The following ADRA1A variants were observed in gnomAD, a reference collection of about 807,000 sequenced individuals.
ADRA1A encodes the protein adrenoceptor alpha 1A.
A neutral mutation model predicts 29.6 loss-of-function variants in ADRA1A; 31 were observed. That is an observed-to-expected ratio of 1.05 (90% CI 0.79 to 1.41). The LOEUF (loss-of-function observed/expected upper bound fraction) is 1.41. Ranked by LOEUF, ADRA1A falls within the 40% of genes most tolerant of loss-of-function variation. The probability of loss-of-function intolerance (pLI) is 0.00; values close to 1 mark genes in which losing one functional copy is unlikely to be tolerated. For synonymous variants in ADRA1A, 311 were observed against 254.3 expected (o/e 1.22, Z -2.12); for missense variants, 619 against 601.1 (o/e 1.03, Z -0.31).
intron 2 of ADRA1A, among the ~76,000 whole-genome samples, chr8:26,827,829 T>A (rs13256192): frequency 0.19 from 29,310 of 151,894 alleles, 2,994 homozygotes; most frequent in Non-Finnish European, 0.23. Context: ...TGGGGAGGGG[T>A]GGACACAAAC....
At chr8:26,757,758 C>T (rs1805270972) in intron 2 of ADRA1A, among the ~76,000 whole-genome samples, 1 of 152,146 alleles carries the variant, frequency 6.6e-6, no homozygotes, top group South Asian at 2.1e-4. Flanking sequence ...TCCCATATTT[C>T]CTTAGATGAT....
At chr8:26,800,301 A>C (rs548009125) in intron 2 of ADRA1A, among the ~76,000 whole-genome samples, 28 of 152,094 alleles carry the variant, frequency 1.8e-4, no homozygotes, top group African/African-American at 6.0e-4. Context: ...ACAATATTAC[A>C]TTAGCATTAA....
At chr8:26,753,619 T>C (rs1039437238), downstream of ADRA1A, among the ~76,000 whole-genome samples, 4 of 152,220 alleles carry the variant, frequency 2.6e-5, no homozygotes, top group African/African-American at 7.2e-5. Context: ...AAAAAAATGC[T>C]ACTTACAAAC....
chr8:26,849,942 A>C (rs1812489714), intron 2 of ADRA1A, among the ~76,000 whole-genome samples: 1 of 151,622 alleles, frequency 6.6e-6, no homozygotes, highest in African/African-American at 2.4e-5. Flanking sequence ...AAAACCAAAT[A>C]AGTAAAGTGG....
At chr8:26,762,669 G>A (rs543826758), downstream of ADRA1A, among the ~76,000 whole-genome samples, 1 of 152,164 alleles carries the variant, frequency 6.6e-6, no homozygotes, top group Non-Finnish European at 1.5e-5. The surrounding 1 kb of genome is among the most constrained non-coding windows in gnomAD (Gnocchi z 4.0). Flanking sequence ...AAGAAGGGAA[G>A]GGAGGGAAAG....
intron 2 of ADRA1A, among the ~76,000 whole-genome samples, chr8:26,859,623 T>C (rs1349272593): frequency 6.6e-6 from 1 of 152,168 alleles, no homozygotes; most frequent in African/African-American, 2.4e-5. Context: ...CAGTACATTC[T>C]TGGAGGAAAT....
chr8:26,825,799 A>T lies in ADRA1A; in HGVS notation c.883+38288T>A, dbSNP rs1306915093. On this transcript the variant is annotated intron_variant, in intron 2 of 2. Transcript: ENST00000380573. This position sits in a 1 kb window ranked among gnomAD's most constrained non-coding sequence, Gnocchi z 5.7. ...TATCCTGCGGGCATTCTGGTTCGATACTAGGCACAGTGTTGATTGCCTGTT... is the reference window on the plus strand; with the variant it reads ...TATCCTGCGGGCATTCTGGTTCGATTCTAGGCACAGTGTTGATTGCCTGTT... 1.3e-5 allele frequency among the ~76,000 whole-genome samples: 2 copies of T among 152,228 alleles called. No individual in the cohort carries two copies. Among genetic ancestry groups the T allele is most frequent in the South Asian group, 4.1e-4 (2 of 4,824 alleles).
chr8:26,772,678 G>A (rs1202201625), intron 2 of ADRA1A, among the ~76,000 whole-genome samples: 5 of 152,076 alleles, frequency 3.3e-5, no homozygotes, highest in African/African-American at 1.2e-4. Flanking sequence ...CAAATTGCTG[G>A]TGCTATTAAA....
chr8:26,765,819 A>G (rs1354902278), downstream of ADRA1A: 2 of 1,342,564 alleles, frequency 1.5e-6, no homozygotes, highest in African/African-American at 2.9e-5. Context: ...AGCAATTGAG[A>G]AAGTTTGTCA....
At chr8:26,850,681 G>A (rs945563203) in intron 2 of ADRA1A, among the ~76,000 whole-genome samples, 4 of 152,220 alleles carry the variant, frequency 2.6e-5, no homozygotes, top group South Asian at 2.1e-4. Context: ...TAATAGAGAC[G>A]GGGTTTCACC....
rs141334293 is a variant in ADRA1A at position 26,784,050 on chromosome 8, A to G, written c.884-13384T>C. ...GGGGGTGTGGTGAATGAGAGCATCA[A>G]GAAGAATAGCTAATGGATGCTGGGC... On this transcript the variant is annotated intron_variant, in intron 2 of 2. Coordinates refer to ENST00000380573, the MANE Select transcript of ADRA1A (RefSeq NM_000680.4). Among the ~76,000 whole-genome samples, 121 of 152,300 alleles carry G rather than the reference A, an allele frequency of 7.9e-4. 1 individual carries two copies. The highest frequency in any genetic ancestry group is 2.8e-3 in the African/African-American group (116 of 41,572).
chr8:26,754,612 C>A (rs1805070059), downstream of ADRA1A, among the ~76,000 whole-genome samples: 1 of 152,032 alleles, frequency 6.6e-6, no homozygotes, highest in Admixed American at 6.6e-5. Context: ...ACAAATGTAA[C>A]AAGGAGACAA....
At chr8:26,809,103 A>G (rs1268334171) in intron 2 of ADRA1A, among the ~76,000 whole-genome samples, 3 of 152,228 alleles carry the variant, frequency 2.0e-5, no homozygotes, top group Admixed American at 2.0e-4. Context: ...TGTGTTCAGT[A>G]AAAAATTGTT....
In ADRA1A at chr8:26,796,120, A is replaced by G. The variant is rs1432925401; in HGVS notation, c.884-25454T>C. ...GTAAAATATTTACAGATGAAATGAC[A>G]TGCTCTCTAGAATTTGCTTCCAAAG... On this transcript the variant is annotated intron_variant, in intron 2 of 2. Transcript: ENST00000380573. This position sits in a 1 kb window ranked among gnomAD's most constrained non-coding sequence, Gnocchi z 5.0. 6.6e-6 allele frequency among the ~76,000 whole-genome samples: 1 copy of G among 152,166 alleles called. No homozygotes were observed. Among genetic ancestry groups the G allele is most frequent in the Non-Finnish European group, 1.5e-5 (1 of 68,012 alleles).
At chr8:26,861,217 G>A (rs1199129455) in intron 2 of ADRA1A, among the ~76,000 whole-genome samples, 1 of 150,826 alleles carries the variant, frequency 6.6e-6, no homozygotes, top group African/African-American at 2.4e-5. Flanking sequence ...ACATTCTCCT[G>A]ATTTTTCTTC....
chr8:26,852,722 T>G (rs1812729048), intron 2 of ADRA1A, among the ~76,000 whole-genome samples: 1 of 152,096 alleles, frequency 6.6e-6, no homozygotes, highest in Non-Finnish European at 1.5e-5. Flanking sequence ...TATAGGCAAG[T>G]TTTTCAAACC....
rs902098334 is a variant in ADRA1A, at chr8:26,851,593, T to C, written c.883+12494A>G. 2.6e-5 allele frequency among the ~76,000 whole-genome samples: 4 copies of C among 152,174 alleles called. No homozygotes were observed. In the South Asian group the frequency reaches 6.2e-4, roughly 24 times the overall value. On this transcript the variant is annotated intron_variant, in intron 2 of 2. Coordinates refer to ENST00000380573, the MANE Select transcript of ADRA1A (RefSeq NM_000680.4). Reference sequence around the variant, plus strand: ...GAAGTACACAAGCTGCTATATAAAATGGTGAACAAATGTGAATAAAAATAG... The same window carrying C: ...GAAGTACACAAGCTGCTATATAAAACGGTGAACAAATGTGAATAAAAATAG...
chr8:26,767,935 T>C (rs1200929841), downstream of ADRA1A, among the ~76,000 whole-genome samples: 3 of 152,318 alleles, frequency 2.0e-5, no homozygotes, highest in Non-Finnish European at 4.4e-5. Context: ...CCTGCCTCTA[T>C]AATAGGACAT....
intron 2 of ADRA1A, among the ~76,000 whole-genome samples, chr8:26,785,415 G>T (rs867437000): frequency 6.6e-6 from 1 of 152,082 alleles, no homozygotes; most frequent in Non-Finnish European, 1.5e-5. Flanking sequence ...CTACAAATAC[G>T]CAAGGATGTC....
Sources: gnomAD v4.1 joint callset for allele counts (sites outside exome capture counted in the v4.1 genomes callset) on GRCh38, gnomAD v4.1.1 for gene constraint, Gnocchi (gnomAD v3.1) non-coding constraint, MANE v1.5 for transcripts, NCBI Gene and HGNC (gene_info 2026-07-23, HGNC 2026-07-21) for gene names.